ACTR5: variants seen among roughly 807,000 people sequenced by gnomAD.
ACTR5 encodes the protein actin related protein 5, also known as actin-related protein 5.
In ACTR5, 43 loss-of-function variants were observed where a neutral mutation model predicts 61.2. The observed-to-expected ratio is 0.70, with a 90% CI of 0.55 to 0.91. ACTR5 has a LOEUF of 0.91. Ranked by LOEUF, ACTR5 falls within the 40% of genes least tolerant of loss-of-function variation. The probability of loss-of-function intolerance (pLI) is 0.00; values close to 1 mark genes in which losing one functional copy is unlikely to be tolerated. For synonymous variants in ACTR5, 333 were observed against 310.5 expected (o/e 1.07, Z -0.76); for missense variants, 798 against 782.2 (o/e 1.02, Z -0.24).
Position 38,761,141 on chromosome 20 carries a change from C to T in ACTR5, c.1177-4261C>T, listed in dbSNP as rs117009926. 5.4e-3 allele frequency among the ~76,000 whole-genome samples: 826 copies of T among 152,204 alleles called. 6 individuals are homozygous for T. The highest frequency in any genetic ancestry group is 8.9e-3 in the Non-Finnish European group (602 of 67,996). ...CTCACTGTGTTGCCCAGGCTGTTCTCGAACTCCTGGCCTCAAGCAAGCCTC... is the reference window on the plus strand; with the variant it reads ...CTCACTGTGTTGCCCAGGCTGTTCTTGAACTCCTGGCCTCAAGCAAGCCTC... On this transcript the variant is annotated intron_variant, in intron 5 of 8. Transcript: ENST00000243903.
Position 38,765,502 on chromosome 20 carries a change from C to T in ACTR5, c.1277C>T (p.Pro426Leu), listed in dbSNP as rs761236439. The change falls in exon 6 of 9, where the codon CCG becomes CTG. Residue 426 changes from proline (P) to leucine (L), a missense_variant. Coordinates refer to ENST00000243903, the MANE Select transcript of ACTR5 (RefSeq NM_024855.4). The part of the protein sequence containing the change: ...FSEETPGVEK[P>L]VTTVQPVFNL... Reference sequence around the variant, plus strand: ...GAGGAAACACCTGGAGTGGAGAAGCCGGTCACCACTGTTCAGGTTTGACTT... The same window carrying T: ...GAGGAAACACCTGGAGTGGAGAAGCTGGTCACCACTGTTCAGGTTTGACTT... The T allele has an allele frequency of 1.2e-5, 19 of 1,613,752 alleles. No individual in the cohort carries two copies. Among genetic ancestry groups the T allele is most frequent in the Middle Eastern group, 1.6e-4 (1 of 6,084 alleles).
intron 8 of ACTR5, among the ~76,000 whole-genome samples, chr20:38,770,698 G>A (rs2084514716): frequency 1.3e-5 from 2 of 152,136 alleles, no homozygotes; most frequent in African/African-American, 4.8e-5. Context: ...TAAATCCCCT[G>A]AAGCCAGGGG....
In ACTR5 at chr20:38,772,325, C is replaced by G. The variant is rs2145680909; in HGVS notation, c.*509C>G. 1 of 163,442 alleles carries G rather than the reference C, an allele frequency of 6.1e-6. No homozygotes were observed. Among genetic ancestry groups the G allele is most frequent in the East Asian group, 1.7e-4 (1 of 5,718 alleles). 10.1% of individuals were successfully genotyped at this position (163,442 alleles called of 1,614,324 possible). A position where few individuals can be genotyped will look rare whatever the true frequency, so the allele number is the denominator to read the frequency against. ...CACAGTGGCACGTGCCTGTTAAGGC[C>G]CAGCTTTGTGGGAGGCTAAGGCAGG... On this transcript the variant is annotated 3_prime_UTR_variant, in exon 9 of 9. Transcript: ENST00000243903.
intron 5 of ACTR5, among the ~76,000 whole-genome samples, chr20:38,764,939 A>T (rs964747401): frequency 6.6e-6 from 1 of 152,220 alleles, no homozygotes; most frequent in Non-Finnish European, 1.5e-5. Flanking sequence ...CAAAGTGCAG[A>T]GGGATTACAG....
At position 38,755,103 on chromosome 20, in the gene ACTR5, C is replaced by T. The variant is rs2084411816; in HGVS notation, c.922C>T (p.Leu308Phe). The part of the protein sequence containing the change: ...RQQQLRRLQE[L>F]NARRREEKLQ... The stretch of plus-strand genomic sequence containing the variant: ...GCAGCAATTGCGGCGGCTGCAGGAG[C>T]TCAATGCCCGGCGGCGGGAGGAGAA... The change falls in exon 4 of 9, where the codon CTC becomes TTC. Residue 308 changes from leucine to phenylalanine, a missense_variant. By Grantham distance (22) the Leu-to-Phe change is conservative. Transcript: ENST00000243903. The T allele has an allele frequency of 6.2e-7, 1 of 1,614,174 alleles. No homozygotes were observed. The highest frequency in any genetic ancestry group is 1.3e-5 in the African/African-American group (1 of 75,068).
chr20:38,752,273 A>G lies in ACTR5; in HGVS notation c.748A>G (p.Ser250Gly). 2 of 1,612,646 alleles carry G rather than the reference A, an allele frequency of 1.2e-6. No homozygotes were observed. Among genetic ancestry groups the G allele is most frequent in the Non-Finnish European group, 1.7e-6 (2 of 1,178,822 alleles). The change falls in exon 3 of 9, where the codon AGC (serine) becomes GGC (glycine). Residue 250 changes from serine to glycine, a missense_variant. Physicochemically the swap from Ser to Gly is moderately conservative, Grantham distance 56. Transcript: ENST00000243903. ...CATGGAGGAGATTCTGCATGAGCACAGCTACATCGCTGAGGATTATGTGGA... is the reference window on the plus strand; with the variant it reads ...CATGGAGGAGATTCTGCATGAGCACGGCTACATCGCTGAGGATTATGTGGA... ...SRMEEILHEH[S>G]YIAEDYVEEL...
chr20:38,753,142 G>A (rs976459174), intron 3 of ACTR5, among the ~76,000 whole-genome samples: 4 of 152,152 alleles, frequency 2.6e-5, no homozygotes, highest in African/African-American at 9.7e-5. Flanking sequence ...CAGAAGACAC[G>A]GCTGAGGCAC....
At chr20:38,766,903 G>A (rs537577432) in intron 7 of ACTR5, among the ~76,000 whole-genome samples, 7 of 152,288 alleles carry the variant, frequency 4.6e-5, no homozygotes, top group East Asian at 3.9e-4. Context: ...TGGTCATAAC[G>A]GCAGGGAAAC....
chr20:38,768,417 C>T (rs916501024), intron 8 of ACTR5, among the ~76,000 whole-genome samples: 10 of 152,176 alleles, frequency 6.6e-5, no homozygotes, highest in African/African-American at 2.4e-4. Context: ...TACAGCAACT[C>T]AGCAGAGAGA....
At chr20:38,758,640 C>T (rs896201756) in intron 5 of ACTR5, among the ~76,000 whole-genome samples, 3 of 112,498 alleles carry the variant, frequency 2.7e-5, no homozygotes, top group Admixed American at 1.8e-4. Flanking sequence ...GAGCAAGACC[C>T]CGTCTCAAAA....
rs1000624031 is a variant in ACTR5, at chr20:38,748,464, G to A, written c.-15G>A. The A allele has an allele frequency of 2.7e-6, 4 of 1,469,212 alleles. No homozygotes were observed. The highest frequency in any genetic ancestry group is 1.5e-5 in the African/African-American group (1 of 67,768). The allele number at this position is 1,469,212 out of a possible 1,614,324, so 91.0% of individuals were successfully genotyped here. On this transcript the variant is annotated 5_prime_UTR_variant, in exon 1 of 9. Transcript: ENST00000243903. ...GACACTGCGCCGAGGGGCGGGGCTG[G>A]ACGCGCGCTCCAAGATGGCGGCGAA... is the stretch of plus-strand genomic sequence containing the variant.
chr20:38,767,483 G>A lies in ACTR5; in HGVS notation c.1453G>A (p.Glu485Lys), dbSNP rs1237796622. The change falls in exon 8 of 9, where the codon GAA becomes AAA. Residue 485 changes from glutamate (E) to lysine (K), a missense_variant. By Grantham distance (56) the Glu-to-Lys change is moderately conservative. Coordinates refer to ENST00000243903, the MANE Select transcript of ACTR5 (RefSeq NM_024855.4). ...ILDRYPKDIQEMLVQNVFLTG... is the reference protein window; with the variant it reads ...ILDRYPKDIQKMLVQNVFLTG... ...TCCTAGGTACCCAAAGGACATTCAG[G>A]AAATGCTGGTTCAGAACGTTTTCCT... 1 of 1,613,940 alleles carries A rather than the reference G, an allele frequency of 6.2e-7. No individual in the cohort carries two copies. The highest frequency in any genetic ancestry group is 1.7e-5 in the Admixed American group (1 of 59,996).
intron 7 of ACTR5, among the ~76,000 whole-genome samples, chr20:38,767,169 G>A (rs917309225): frequency 2.0e-5 from 3 of 152,140 alleles, no homozygotes; most frequent in Admixed American, 6.5e-5. Flanking sequence ...TTATCAAAAT[G>A]TATGTAAATT....
chr20:38,763,871 C>G (rs369020402), intron 5 of ACTR5, among the ~76,000 whole-genome samples: 40 of 152,304 alleles, frequency 2.6e-4, no homozygotes, highest in African/African-American at 9.6e-4. Context: ...CTCAGATTAC[C>G]TCTATAAACC....
intron 3 of ACTR5, among the ~76,000 whole-genome samples, chr20:38,753,589 G>A (rs2084399727): frequency 6.6e-6 from 1 of 152,168 alleles, no homozygotes; most frequent in Admixed American, 6.5e-5. Flanking sequence ...TTTCTCCAGA[G>A]TAAATAGATT....
intron 5 of ACTR5, among the ~76,000 whole-genome samples, chr20:38,763,546 A>T (rs2244797): frequency 6.6e-6 from 1 of 152,060 alleles, no homozygotes; most frequent in African/African-American, 2.4e-5. Flanking sequence ...TAAAGCCCCA[A>T]TTGTCTTATC....
rs576520194 is a variant in ACTR5 at position 38,763,764 on chromosome 20, C to T, written c.1177-1638C>T. Among the ~76,000 whole-genome samples the T allele has an allele frequency of 4.6e-5, 7 of 152,322 alleles. No homozygotes were observed. In the South Asian group the frequency reaches 6.2e-4, roughly 14 times the overall value. On this transcript the variant is annotated intron_variant, in intron 5 of 8. Coordinates refer to ENST00000243903, the MANE Select transcript of ACTR5 (RefSeq NM_024855.4). ...TGTGCAGATAGCAGGTGTCCCTCCC[C>T]TCTTTGTCTGATTCAGTATTGGCAG...
At chr20:38,749,942 G>T (rs1180677076) in intron 1 of ACTR5, 68 bp from the exon 2 acceptor site, 6 of 1,395,670 alleles carry the variant, frequency 4.3e-6, no homozygotes, top group Non-Finnish European at 5.9e-6. Flanking sequence ...AAGGATTTTG[G>T]GTTCTTTTAT....
At chr20:38,760,858 T>G (rs1331630958) in intron 5 of ACTR5, among the ~76,000 whole-genome samples, 1 of 152,122 alleles carries the variant, frequency 6.6e-6, no homozygotes, top group Non-Finnish European at 1.5e-5. Context: ...TTTTTTTTCT[T>G]TTTTTTAAGA....
Sources: allele counts gnomAD v4.1 joint callset (sites outside exome capture counted in the v4.1 genomes callset), GRCh38; gene constraint gnomAD v4.1.1; transcripts MANE v1.5; gene names NCBI Gene and HGNC (gene_info 2026-07-23, HGNC 2026-07-21).